The following FILIP1L variants were observed in gnomAD, a reference collection of about 807,000 sequenced individuals.
FILIP1L encodes the protein filamin A interacting protein 1 like.
In FILIP1L, 55 loss-of-function variants were observed where a neutral mutation model predicts 96.6. The ratio of observed to expected loss-of-function variants is 0.57; its 90% CI spans 0.46 to 0.71. The LOEUF (loss-of-function observed/expected upper bound fraction) is 0.71, where lower values mean the gene tolerates loss of function less well. FILIP1L is among the 30% of genes least tolerant of loss of function. The probability of loss-of-function intolerance (pLI) is 0.00; values close to 1 mark genes in which losing one functional copy is unlikely to be tolerated. For synonymous variants in FILIP1L, 467 were observed against 473.9 expected, an observed-to-expected ratio of 0.99 and a Z score of 0.19; for missense variants, 1,304 against 1,321.2, an observed-to-expected ratio of 0.99 and a Z score of 0.20.
chr3:99,939,844 C>G (rs2107674962), intron 1 of FILIP1L, among the ~76,000 whole-genome samples: 1 of 152,322 alleles, frequency 6.6e-6, no homozygotes, highest in South Asian at 2.1e-4. Context: ...TTTTAGTTTA[C>G]AAACAGTGGA....
chr3:99,944,145 C>T (rs1707934634), intron 1 of FILIP1L, among the ~76,000 whole-genome samples: 2 of 152,290 alleles, frequency 1.3e-5, no homozygotes, highest in Admixed American at 6.5e-5. Flanking sequence ...CCCTACCTCA[C>T]CAAAGGGAGG....
At chr3:99,841,817 A>C (rs1393336321) in intron 5 of FILIP1L, among the ~76,000 whole-genome samples, 2 of 152,198 alleles carry the variant, frequency 1.3e-5, no homozygotes, top group Non-Finnish European at 2.9e-5. Flanking sequence ...GGCCATAATC[A>C]AAAAAATTAA....
At chr3:99,835,917 C>A (rs886529098) in intron 5 of FILIP1L, among the ~76,000 whole-genome samples, 1 of 152,100 alleles carries the variant, frequency 6.6e-6, no homozygotes. Flanking sequence ...TTCAGCCCTA[C>A]AAACAGCATG....
chr3:99,831,045 A>G (rs1199266635), intron 5 of FILIP1L, among the ~76,000 whole-genome samples: 1 of 152,214 alleles, frequency 6.6e-6, no homozygotes, highest in East Asian at 1.9e-4. Context: ...GGGCAGCTCC[A>G]ATGATGATTA....
At chr3:99,943,560 C>T (rs920423800) in intron 1 of FILIP1L, among the ~76,000 whole-genome samples, 24 of 152,086 alleles carry the variant, frequency 1.6e-4, no homozygotes, top group East Asian at 9.7e-4. Context: ...AAAAATTAGC[C>T]GGGCGTGGTG....
At chr3:99,878,588 A>G (rs1705617925) in intron 4 of FILIP1L, among the ~76,000 whole-genome samples, 1 of 152,154 alleles carries the variant, frequency 6.6e-6, no homozygotes, top group African/African-American at 2.4e-5. Context: ...GTTTCTGTTT[A>G]TTTTCTAGAC....
At chr3:99,881,084 A>C (rs1230647875) in intron 4 of FILIP1L, among the ~76,000 whole-genome samples, 1 of 152,124 alleles carries the variant, frequency 6.6e-6, no homozygotes, top group Non-Finnish European at 1.5e-5. Context: ...CAAAGCAAGG[A>C]AGTCTATTTA....
intron 4 of FILIP1L, among the ~76,000 whole-genome samples, chr3:99,878,075 G>A (rs932828784): frequency 1.1e-4 from 16 of 152,150 alleles, no homozygotes; most frequent in African/African-American, 3.9e-4. Flanking sequence ...AGAGGAAAGA[G>A]GATTAGGGCT....
intron 4 of FILIP1L, among the ~76,000 whole-genome samples, chr3:99,916,818 T>C (rs1296374497): frequency 6.6e-6 from 1 of 152,188 alleles, no homozygotes; most frequent in Non-Finnish European, 1.5e-5. Context: ...GCAGTGATAC[T>C]CACTCATCAC....
At chr3:99,916,530 C>T (rs1307111032) in intron 4 of FILIP1L, among the ~76,000 whole-genome samples, 1 of 151,752 alleles carries the variant, frequency 6.6e-6, no homozygotes, top group African/African-American at 2.4e-5. Flanking sequence ...TGCTAATGGT[C>T]ACTGAGTGCT....
chr3:100,109,708 T>C (rs988403617), intron 1 of FILIP1L, among the ~76,000 whole-genome samples: 1 of 152,184 alleles, frequency 6.6e-6, no homozygotes, highest in Non-Finnish European at 1.5e-5. Flanking sequence ...GTTTGATTAT[T>C]CATTTACCAA....
intron 4 of FILIP1L, among the ~76,000 whole-genome samples, chr3:99,892,724 T>C (rs1439446449): frequency 1.3e-5 from 2 of 152,088 alleles, no homozygotes; most frequent in Non-Finnish European, 2.9e-5. Context: ...CCTTACTCCA[T>C]CTCACCCACC....
In FILIP1L at chr3:99,830,409, A is replaced by G. The variant is rs1242495848; in HGVS notation, c.*5T>C. 1 of 435,718 alleles carries G rather than the reference A, an allele frequency of 2.3e-6. No individual in the cohort carries two copies. Among genetic ancestry groups the G allele is most frequent in the East Asian group, 7.0e-5 (1 of 14,192 alleles). 27.0% of individuals were successfully genotyped at this position (435,718 alleles called of 1,614,324 possible). A position where few individuals can be genotyped will look rare whatever the true frequency, so the allele number is the denominator to read the frequency against. On this transcript the variant is annotated 3_prime_UTR_variant, in exon 6 of 6. Coordinates refer to ENST00000477258, the MANE Select transcript of FILIP1L (RefSeq NM_001387850.1). ...GAATGTATCCAGGCAGTGCATTGGT[A>G]TGAGTTACCTTCTCCCTCCCACGTG...
chr3:99,910,154 A>G (rs556309465), intron 4 of FILIP1L, among the ~76,000 whole-genome samples: 5 of 136,758 alleles, frequency 3.7e-5, no homozygotes, highest in East Asian at 2.0e-4. Context: ...CGTAATTTCT[A>G]TTCTTTGACT....
chr3:100,108,076 A>G (rs2066424652), intron 1 of FILIP1L, among the ~76,000 whole-genome samples: 1 of 152,070 alleles, frequency 6.6e-6, no homozygotes. Context: ...TGTACTCTAG[A>G]GCACTGGTTC....
chr3:100,060,792 G>A (rs748131258), intron 1 of FILIP1L, among the ~76,000 whole-genome samples: 1 of 152,100 alleles, frequency 6.6e-6, no homozygotes, highest in South Asian at 2.1e-4. Flanking sequence ...CGTGGGAGGC[G>A]GAGGTTGCAC....
rs1559647581 is a variant in FILIP1L at position 99,829,037 on chromosome 3, C to T, written c.*1377G>A. ...TTGCAGGGGCCTGGGGGTGTTTGTA[C>T]AGTGGCATTAGTGCAATGAGGTGGA... On this transcript the variant is annotated 3_prime_UTR_variant, in exon 6 of 6. Coordinates refer to ENST00000477258, the MANE Select transcript of FILIP1L (RefSeq NM_001387850.1). Among the ~76,000 whole-genome samples the T allele has an allele frequency of 1.3e-5, 2 of 152,134 alleles. No individual in the cohort carries two copies. Among genetic ancestry groups the T allele is most frequent in the East Asian group, 3.9e-4 (2 of 5,156 alleles).
At chr3:99,935,863 A>G (rs1241015954) in intron 1 of FILIP1L, among the ~76,000 whole-genome samples, 2 of 152,238 alleles carry the variant, frequency 1.3e-5, no homozygotes, top group Non-Finnish European at 2.9e-5. Flanking sequence ...GGATGTGTCC[A>G]TGCAAGAGGA....
intron 1 of FILIP1L, among the ~76,000 whole-genome samples, chr3:99,992,030 G>C (rs1709539280): frequency 6.7e-6 from 1 of 149,116 alleles, no homozygotes; most frequent in African/African-American, 2.5e-5. Context: ...ATATATACGT[G>C]TATATATATA....
Sources: allele counts gnomAD v4.1 joint callset (sites outside exome capture counted in the v4.1 genomes callset), GRCh38; gene constraint gnomAD v4.1.1; transcripts MANE v1.5; gene names NCBI Gene and HGNC (gene_info 2026-07-23, HGNC 2026-07-21).